KCTD8: variants seen among roughly 807,000 people sequenced by gnomAD.
The protein encoded by KCTD8 is potassium channel tetramerization domain containing 8, also known as BTB/POZ domain-containing protein KCTD8.
KCTD8 carries 27 observed loss-of-function variants against 31.5 expected under a neutral mutation model. The ratio of observed to expected loss-of-function variants is 0.86; its 90% CI spans 0.63 to 1.18. The LOEUF (loss-of-function observed/expected upper bound fraction) is 1.18, where lower values mean the gene tolerates loss of function less well. Among genes scored for constraint, KCTD8 ranks in the 50% most tolerant of loss-of-function variants. The pLI is 0.00. For synonymous variants in KCTD8, 290 were observed against 280.0 expected, an observed-to-expected ratio of 1.04 and a Z score of -0.36; for missense variants, 658 against 647.7, an observed-to-expected ratio of 1.02 and a Z score of -0.17.
chr4:44,205,971 G>T (rs947545795), intron 1 of KCTD8, among the ~76,000 whole-genome samples: 3 of 152,078 alleles, frequency 2.0e-5, no homozygotes, highest in Non-Finnish European at 4.4e-5. Flanking sequence ...AGACAGGCAG[G>T]TACTAAATAA....
rs1019992439 is a variant in KCTD8, at chr4:44,311,542, T to C, written c.961+136021A>G. ...TCAGCAGATGCCATGGTATGTTTAC[T>C]GCAATGTAAGAATACTCACCCTCCT... On this transcript the variant is annotated intron_variant, in intron 1 of 1. Coordinates refer to ENST00000360029, the MANE Select transcript of KCTD8 (RefSeq NM_198353.3). Among the ~76,000 whole-genome samples the C allele has an allele frequency of 2.6e-5, 4 of 152,110 alleles. No homozygotes were observed. The East Asian group carries it at 7.7e-4, about 29-fold the overall frequency.
intron 1 of KCTD8, among the ~76,000 whole-genome samples, chr4:44,336,066 C>T (rs1577622459): frequency 7.7e-6 from 1 of 130,298 alleles, no homozygotes; most frequent in Non-Finnish European, 1.6e-5. Context: ...AGGAGAATGG[C>T]GTGAACCCGG....
At chr4:44,344,335 C>T (rs1718985214) in intron 1 of KCTD8, among the ~76,000 whole-genome samples, 1 of 152,068 alleles carries the variant, frequency 6.6e-6, no homozygotes, top group South Asian at 2.1e-4. Flanking sequence ...CAGCTGTACA[C>T]CAACACACTG....
chr4:44,231,507 T>C (rs1203697178), intron 1 of KCTD8, among the ~76,000 whole-genome samples: 11 of 152,196 alleles, frequency 7.2e-5, no homozygotes, highest in Non-Finnish European at 1.3e-4. Flanking sequence ...TAGCACATGA[T>C]AGTCTTCATC....
At chr4:44,265,883 T>C (rs1468034759) in intron 1 of KCTD8, among the ~76,000 whole-genome samples, 2 of 152,056 alleles carry the variant, frequency 1.3e-5, no homozygotes, top group South Asian at 2.1e-4. Context: ...CCAAGAAATA[T>C]GGGACTATGT....
At chr4:44,402,626 A>T (rs1316590258) in intron 1 of KCTD8, among the ~76,000 whole-genome samples, 2 of 152,126 alleles carry the variant, frequency 1.3e-5, no homozygotes, top group South Asian at 4.1e-4. Flanking sequence ...GGGGGGCCCT[A>T]GAAATGTATT....
intron 1 of KCTD8, among the ~76,000 whole-genome samples, chr4:44,218,603 T>C (rs1459578571): frequency 6.8e-6 from 1 of 147,944 alleles, no homozygotes; most frequent in East Asian, 2.0e-4. Flanking sequence ...TAGATATATA[T>C]CTACTATGTA....
At chr4:44,385,704 T>C in intron 1 of KCTD8, among the ~76,000 whole-genome samples, 1 of 151,660 alleles carries the variant, frequency 6.6e-6, no homozygotes, top group East Asian at 1.9e-4. Flanking sequence ...AGCCGCATTA[T>C]TATATCAAAG....
At chr4:44,358,744 T>C (rs2109429080) in intron 1 of KCTD8, among the ~76,000 whole-genome samples, 1 of 152,212 alleles carries the variant, frequency 6.6e-6, no homozygotes, top group South Asian at 2.1e-4. Context: ...AATTTTTTTG[T>C]ATTTTTAGCA....
In KCTD8 at chr4:44,227,943, C is replaced by T. The variant is rs551091076; in HGVS notation, c.962-52693G>A. Among the ~76,000 whole-genome samples, 5 of 152,280 alleles carry T rather than the reference C, an allele frequency of 3.3e-5. No individual in the cohort carries two copies. In the East Asian group the frequency reaches 9.6e-4, roughly 29 times the overall value. ...TTGTCTATCTAAAGACTTTTCTGCA[C>T]AAAGCAGTTAGTGATCCTCTTAAAG... On this transcript the variant is annotated intron_variant, in intron 1 of 1. Coordinates refer to ENST00000360029, the MANE Select transcript of KCTD8 (RefSeq NM_198353.3).
chr4:44,422,885 G>C lies in KCTD8; in HGVS notation c.961+24678C>G, dbSNP rs558909564. Reference sequence around the variant, plus strand: ...ATTCTTTTCATATCTTCAGCCTCAGGATGGTAGAGGTGGCTGTTGTGGCTG... The same window carrying C: ...ATTCTTTTCATATCTTCAGCCTCAGCATGGTAGAGGTGGCTGTTGTGGCTG... On this transcript the variant is annotated intron_variant, in intron 1 of 1. Transcript: ENST00000360029. Among the ~76,000 whole-genome samples the C allele has an allele frequency of 7.9e-5, 12 of 152,136 alleles. No individual in the cohort carries two copies. The South Asian group carries it at 1.5e-3, about 18-fold the overall frequency.
intron 1 of KCTD8, among the ~76,000 whole-genome samples, chr4:44,420,738 A>G (rs945050739): frequency 5.3e-5 from 8 of 152,164 alleles, no homozygotes; most frequent in African/African-American, 1.7e-4. Context: ...ATATCCTGAG[A>G]ATATCTCCCT....
chr4:44,290,676 T>C (rs368870783), intron 1 of KCTD8, among the ~76,000 whole-genome samples: 152 of 151,952 alleles, frequency 1.0e-3, no homozygotes, highest in African/African-American at 3.5e-3. Flanking sequence ...ACTACACAAA[T>C]ACATGGAAAT....
At chr4:44,367,302 C>A (rs1452784485) in intron 1 of KCTD8, among the ~76,000 whole-genome samples, 1 of 152,146 alleles carries the variant, frequency 6.6e-6, no homozygotes, top group Admixed American at 6.6e-5. Flanking sequence ...TACTATTGCA[C>A]TACAAGGACA....
At chr4:44,295,329 G>A (rs1717396534) in intron 1 of KCTD8, among the ~76,000 whole-genome samples, 2 of 151,968 alleles carry the variant, frequency 1.3e-5, no homozygotes, top group African/African-American at 2.4e-5. Context: ...AAAACTAGAC[G>A]ACTATTAGTG....
chr4:44,277,572 ACAAT>A (rs1716787966), intron 1 of KCTD8, among the ~76,000 whole-genome samples: 1 of 151,818 alleles, frequency 6.6e-6, no homozygotes, highest in Non-Finnish European at 1.5e-5. Flanking sequence ...AGCTTACTAA[ACAAT>A]CAAAGAACAA....
chr4:44,373,883 T>C (rs1719852850), intron 1 of KCTD8, among the ~76,000 whole-genome samples: 1 of 152,208 alleles, frequency 6.6e-6, no homozygotes, highest in African/African-American at 2.4e-5. Flanking sequence ...CAACATAGTA[T>C]GAAACCTTGG....
chr4:44,254,471 C>A (rs1365328823), intron 1 of KCTD8, among the ~76,000 whole-genome samples: 1 of 151,864 alleles, frequency 6.6e-6, no homozygotes, highest in East Asian at 1.9e-4. Context: ...AAGTGCAAAG[C>A]GTAGCCCTTG....
At chr4:44,305,245 T>C (rs1371348428) in intron 1 of KCTD8, among the ~76,000 whole-genome samples, 9 of 151,392 alleles carry the variant, frequency 5.9e-5, no homozygotes, top group Non-Finnish European at 1.0e-4. Context: ...GTGATAGATA[T>C]AAGTATATAA....
Sources: gnomAD v4.1 joint callset for allele counts (sites outside exome capture counted in the v4.1 genomes callset) on GRCh38, gnomAD v4.1.1 for gene constraint, MANE v1.5 for transcripts, NCBI Gene and HGNC (gene_info 2026-07-23, HGNC 2026-07-21) for gene names.